The following RANBP3L variants were observed in gnomAD, a reference collection of about 807,000 sequenced individuals.
The protein encoded by RANBP3L is ran-binding protein 3-like.
Under a neutral mutation model 67.2 loss-of-function variants are expected in RANBP3L, and 56 were observed. That is an observed-to-expected ratio of 0.83 (90% confidence interval 0.67 to 1.04). The LOEUF (loss-of-function observed/expected upper bound fraction) is 1.04. RANBP3L is among the 50% of genes least tolerant of loss of function. RANBP3L has a pLI of 0.00. For missense variants in RANBP3L, 496 were observed against 535.5 expected (o/e 0.93, Z 0.73); for synonymous variants, 164 against 181.4 (o/e 0.90, Z 0.77).
intron 1 of RANBP3L, among the ~76,000 whole-genome samples, chr5:36,276,759 T>C (rs187874401): frequency 1.3e-5 from 2 of 152,180 alleles, no homozygotes; most frequent in South Asian, 2.1e-4. Flanking sequence ...CTCTCAGAGA[T>C]GGGGATTTGA....
chr5:36,260,312 G>T (rs867342706), intron 8 of RANBP3L, among the ~76,000 whole-genome samples: 4 of 136,144 alleles, frequency 2.9e-5, no homozygotes, highest in African/African-American at 1.1e-4. Context: ...AGTGAGCAGA[G>T]ATCGGACCAC....
At chr5:36,276,826 A>C (rs890698712) in intron 1 of RANBP3L, among the ~76,000 whole-genome samples, 5 of 152,170 alleles carry the variant, frequency 3.3e-5, no homozygotes, top group Non-Finnish European at 4.4e-5. Flanking sequence ...CTGAGAATGG[A>C]GTACCTTTGG....
chr5:36,252,990 G>A (rs929870901), intron 12 of RANBP3L, among the ~76,000 whole-genome samples: 4 of 151,980 alleles, frequency 2.6e-5, no homozygotes, highest in African/African-American at 9.7e-5. Context: ...AGTCCATGGG[G>A]AAATCCAGTT....
chr5:36,292,270 G>GT (rs1370055827), intron 1 of RANBP3L, among the ~76,000 whole-genome samples: 1 of 151,640 alleles, frequency 6.6e-6, no homozygotes, highest in Non-Finnish European at 1.5e-5. Context: ...TTGTAAATTT[G>GT]TTTGAGTTCA....
In RANBP3L at chr5:36,256,746, C is replaced by T. The variant is rs183057873; in HGVS notation, c.903+195G>A. On this transcript the variant is annotated intron_variant, in intron 10 of 13. Transcript: ENST00000296604. ...TAAACCTAACAACCCATTTTCCTGC[C>T]AGGTACACATACAAACACAAGAAGA... 4.2e-4 allele frequency: 233 copies of T among 550,338 alleles called. No homozygotes were observed. The African/African-American group carries it at 4.3e-3, about 10-fold the overall frequency. 34.1% of individuals were successfully genotyped at this position (550,338 alleles called of 1,614,324 possible). A position where few individuals can be genotyped will look rare whatever the true frequency, so the allele number is the denominator to read the frequency against.
chr5:36,248,061 G>A lies in RANBP3L; in HGVS notation c.*1593C>T, dbSNP rs750362262. Reference sequence around the variant, plus strand: ...GTTATGTTTCTAATGAAAATTTTCTGCTGAGTGTGTTCCGCATCAGAGTCA... The same window carrying A: ...GTTATGTTTCTAATGAAAATTTTCTACTGAGTGTGTTCCGCATCAGAGTCA... On this transcript the variant is annotated 3_prime_UTR_variant, in exon 14 of 14. Transcript: ENST00000296604. 1.3e-5 allele frequency among the ~76,000 whole-genome samples: 2 copies of A among 152,118 alleles called. No homozygotes were observed. Among genetic ancestry groups the A allele is most frequent in the Non-Finnish European group, 2.9e-5 (2 of 68,026 alleles).
At chr5:36,287,557 T>A (rs1225605655) in intron 1 of RANBP3L, among the ~76,000 whole-genome samples, 1 of 152,180 alleles carries the variant, frequency 6.6e-6, no homozygotes, top group African/African-American at 2.4e-5. Flanking sequence ...CATGAGTCAG[T>A]TGTGGCTTTA....
At chr5:36,266,726 G>T (rs1007156865) in intron 4 of RANBP3L, among the ~76,000 whole-genome samples, 3 of 150,350 alleles carry the variant, frequency 2.0e-5, no homozygotes, top group African/African-American at 7.4e-5. Flanking sequence ...TTGCCTCTGG[G>T]ATTAGGATCT....
chr5:36,251,391 C>G lies in RANBP3L; in HGVS notation c.1276G>C (p.Glu426Gln). ...RDVNQAESLS[E>Q]TAQQLNCESC... Reference sequence around the variant, plus strand: ...TCGCAGTTCAATTGTTGGGCTGTTTCTGACAGGCTTTCAGCTTGATTGACA... The same window carrying G: ...TCGCAGTTCAATTGTTGGGCTGTTTGTGACAGGCTTTCAGCTTGATTGACA... The change falls in exon 13 of 14, where the codon GAA (glutamate) becomes CAA (glutamine). Residue 426 changes from glutamate to glutamine, a missense_variant. Glu to Gln is a conservative substitution (Grantham distance 29). Coordinates refer to ENST00000296604, the MANE Select transcript of RANBP3L (RefSeq NM_145000.5). 2 of 1,613,370 alleles carry G rather than the reference C, an allele frequency of 1.2e-6. No individual in the cohort carries two copies. Among genetic ancestry groups the G allele is most frequent in the Non-Finnish European group, 1.7e-6 (2 of 1,179,540 alleles).
chr5:36,291,281 G>T (rs952124283), intron 1 of RANBP3L, among the ~76,000 whole-genome samples: 3 of 151,930 alleles, frequency 2.0e-5, no homozygotes, highest in Admixed American at 6.6e-5. Flanking sequence ...GCTCATGTAA[G>T]TGGAATCAGA....
At chr5:36,278,018 C>G (rs553152764) in intron 1 of RANBP3L, among the ~76,000 whole-genome samples, 14 of 152,152 alleles carry the variant, frequency 9.2e-5, no homozygotes, top group South Asian at 2.1e-4. Flanking sequence ...TGAAGGAAAC[C>G]GTCCCCATGA....
chr5:36,280,382 A>G (rs866375039), intron 1 of RANBP3L, among the ~76,000 whole-genome samples: 1 of 152,180 alleles, frequency 6.6e-6, no homozygotes, highest in African/African-American at 2.4e-5. Context: ...ATAGTGGGCC[A>G]TAGCCAGTGA....
chr5:36,288,294 T>C (rs1751465527), intron 1 of RANBP3L, among the ~76,000 whole-genome samples: 1 of 152,192 alleles, frequency 6.6e-6, no homozygotes, highest in African/African-American at 2.4e-5. Context: ...ACCTACATGG[T>C]TACATGTATC....
chr5:36,274,955 G>T (rs1750473501), intron 1 of RANBP3L, among the ~76,000 whole-genome samples: 1 of 152,084 alleles, frequency 6.6e-6, no homozygotes, highest in Non-Finnish European at 1.5e-5. Flanking sequence ...GAAAGAAAAT[G>T]AGGGGATTAG....
At chr5:36,261,343 A>T (rs554368627) in intron 7 of RANBP3L, among the ~76,000 whole-genome samples, 6 of 152,146 alleles carry the variant, frequency 3.9e-5, no homozygotes, top group African/African-American at 1.4e-4. Context: ...CATGATGAGA[A>T]ACTCGAAGAC....
intron 1 of RANBP3L, among the ~76,000 whole-genome samples, chr5:36,283,464 T>C (rs1751116610): frequency 6.6e-6 from 1 of 151,610 alleles, no homozygotes; most frequent in Admixed American, 6.6e-5. Context: ...TAACAAAAGT[T>C]TGTCTTGTTA....
At chr5:36,252,090 G>A (rs1427709160) in intron 12 of RANBP3L, among the ~76,000 whole-genome samples, 1 of 151,964 alleles carries the variant, frequency 6.6e-6, no homozygotes, top group Non-Finnish European at 1.5e-5. Context: ...AATTCCTTCA[G>A]TAAAACTGTG....
Position 36,249,520 on chromosome 5 carries a change from A to C in RANBP3L, c.*134T>G. On this transcript the variant is annotated 3_prime_UTR_variant, in exon 14 of 14. Transcript: ENST00000296604. ...AAACATAAAAATGTTAATTGCAACAAATTACATTTCTTAAACTTTTCTATA... is the reference window on the plus strand; with the variant it reads ...AAACATAAAAATGTTAATTGCAACACATTACATTTCTTAAACTTTTCTATA... The C allele has an allele frequency of 2.1e-6, 1 of 467,752 alleles. No individual in the cohort carries two copies. Among genetic ancestry groups the C allele is most frequent in the Non-Finnish European group, 3.9e-6 (1 of 255,504 alleles). 29.0% of individuals were successfully genotyped at this position (467,752 alleles called of 1,614,324 possible).
At chr5:36,294,845 A>G (rs1752080375) in intron 1 of RANBP3L, among the ~76,000 whole-genome samples, 1 of 148,484 alleles carries the variant, frequency 6.7e-6, no homozygotes, top group South Asian at 2.1e-4. Context: ...TATGACATAT[A>G]AACATATATA....
Sources: allele counts gnomAD v4.1 joint callset (sites outside exome capture counted in the v4.1 genomes callset), GRCh38; gene constraint gnomAD v4.1.1; transcripts MANE v1.5; gene names NCBI Gene and HGNC (gene_info 2026-07-23, HGNC 2026-07-21).